Variants in PGCKA1 observed in about 807,000 individuals in gnomAD.
PGCKA1 encodes PDCD10 and GCKIII kinases associated 1.
At chr4:37,491,055 C>A in the PGCKA1 span, among the ~76,000 whole-genome samples, 1 of 152,136 alleles carries the variant, frequency 6.6e-6, no homozygotes, top group Non-Finnish European at 1.5e-5. Context: ...AAGTTATATA[C>A]TAGAATATAA....
chr4:37,535,652 G>A, the PGCKA1 span, among the ~76,000 whole-genome samples: 9 of 152,164 alleles, frequency 5.9e-5, no homozygotes, highest in East Asian at 3.8e-4. Context: ...TTCCACATTC[G>A]TAAAGAACTG....
At chr4:37,566,799 C>T in the PGCKA1 span, among the ~76,000 whole-genome samples, 2 of 152,184 alleles carry the variant, frequency 1.3e-5, no homozygotes, top group African/African-American at 4.8e-5. Flanking sequence ...TCAGGCTGCT[C>T]TAGAACTCCT....
At chr4:37,536,967 C>T in the PGCKA1 span, among the ~76,000 whole-genome samples, 1 of 152,186 alleles carries the variant, frequency 6.6e-6, no homozygotes, top group Non-Finnish European at 1.5e-5. Flanking sequence ...GGCTGGCCAG[C>T]TTTGGGGCAG....
the PGCKA1 span, among the ~76,000 whole-genome samples, chr4:37,572,073 T>TA: frequency 1.5e-5 from 2 of 134,750 alleles, no homozygotes; most frequent in Non-Finnish European, 1.6e-5. Context: ...CTTTTTTTTT[T>TA]TTTTTTTGAG....
the PGCKA1 span, among the ~76,000 whole-genome samples, chr4:37,544,677 G>C: frequency 6.6e-6 from 1 of 151,512 alleles, no homozygotes; most frequent in African/African-American, 2.4e-5. Flanking sequence ...AAAAAACATA[G>C]CTTTCAGTTT....
At chr4:37,513,852 G>A in the PGCKA1 span, among the ~76,000 whole-genome samples, 2 of 152,180 alleles carry the variant, frequency 1.3e-5, no homozygotes, top group African/African-American at 4.8e-5. Flanking sequence ...AAGGATGGAG[G>A]GAGATGGGAG....
chr4:37,558,467 A>G, the PGCKA1 span, among the ~76,000 whole-genome samples: 1 of 152,172 alleles, frequency 6.6e-6, no homozygotes, highest in Admixed American at 6.5e-5. Context: ...TCACCTGGGT[A>G]CTTGTTAGAA....
At chr4:37,533,030 TG>T in the PGCKA1 span, among the ~76,000 whole-genome samples, 2 of 152,150 alleles carry the variant, frequency 1.3e-5, no homozygotes, top group African/African-American at 4.8e-5. Flanking sequence ...GCTTTGATGA[TG>T]GGTGCACCAA....
chr4:37,526,809 T>C, the PGCKA1 span, among the ~76,000 whole-genome samples: 1 of 152,246 alleles, frequency 6.6e-6, no homozygotes, highest in Non-Finnish European at 1.5e-5. Context: ...TACAAGTTTA[T>C]GTATTTACTA....
the PGCKA1 span, among the ~76,000 whole-genome samples, chr4:37,564,199 G>A: frequency 4.0e-5 from 6 of 150,044 alleles, no homozygotes; most frequent in Admixed American, 2.0e-4. Flanking sequence ...ACTTGGACCC[G>A]GGAGTCGGAG....
the PGCKA1 span, among the ~76,000 whole-genome samples, chr4:37,466,696 G>C: frequency 2.0e-5 from 3 of 152,152 alleles, no homozygotes; most frequent in African/African-American, 7.2e-5. Context: ...AATGGGATAG[G>C]AAATGGGAAG....
chr4:37,453,890 C>G, the PGCKA1 span: 13 of 152,360 alleles, frequency 8.5e-5, no homozygotes, highest in Non-Finnish European at 1.6e-4. Context: ...GACGCGCGGG[C>G]CCAATGACAG....
chr4:37,477,764 T>A, the PGCKA1 span, among the ~76,000 whole-genome samples: 1 of 152,170 alleles, frequency 6.6e-6, no homozygotes, highest in Admixed American at 6.5e-5. Context: ...AGTCTTCCTG[T>A]GGGTAAAAAC....
the PGCKA1 span, among the ~76,000 whole-genome samples, chr4:37,522,757 A>G: frequency 6.6e-6 from 1 of 151,870 alleles, no homozygotes; most frequent in Non-Finnish European, 1.5e-5. Context: ...CTGACCTGGG[A>G]TGTCTCTAGA....
the PGCKA1 span, among the ~76,000 whole-genome samples, chr4:37,535,025 AAG>A: frequency 2.0e-5 from 3 of 152,208 alleles, no homozygotes; most frequent in African/African-American, 7.2e-5. Flanking sequence ...ACTCTTGTCT[AAG>A]AGGTGCAAGA....
the PGCKA1 span, among the ~76,000 whole-genome samples, chr4:37,509,871 C>G: frequency 0.51 from 76,340 of 149,074 alleles, 19,977 homozygotes; most frequent in African/African-American, 0.61. Flanking sequence ...GCTGAGGCAG[C>G]AGAATCAGGC....
chr4:37,527,221 C>T, the PGCKA1 span, among the ~76,000 whole-genome samples: 4 of 151,996 alleles, frequency 2.6e-5, no homozygotes, highest in Admixed American at 6.6e-5. Flanking sequence ...AGAGTCAAAA[C>T]GTTTTAGTAA....
chr4:37,590,155 G>T, the PGCKA1 span: 1 of 1,614,206 alleles, frequency 6.2e-7, no homozygotes, highest in Non-Finnish European at 8.5e-7. Flanking sequence ...CTGCAAGCTA[G>T]ATGAAGACGA....
At chr4:37,554,008 A>G in the PGCKA1 span, among the ~76,000 whole-genome samples, 2 of 152,282 alleles carry the variant, frequency 1.3e-5, no homozygotes, top group African/African-American at 4.8e-5. Flanking sequence ...CCCAAATCTC[A>G]TCTTGAATTG....
Sources: gnomAD v4.1 joint callset for allele counts (sites outside exome capture counted in the v4.1 genomes callset) on GRCh38, gnomAD v4.1.1 for gene constraint, MANE v1.5 for transcripts, NCBI Gene and HGNC (gene_info 2026-07-23, HGNC 2026-07-21) for gene names.